SOX5: variants seen among roughly 807,000 people sequenced by gnomAD.
SOX5 encodes transcription factor SOX-5.
SOX5 carries 9 observed loss-of-function variants against 92.0 expected under a neutral mutation model. The ratio of observed to expected loss-of-function variants is 0.10; its 90% CI spans 0.06 to 0.17. The LOEUF is 0.17. SOX5 is among the 10% of genes least tolerant of loss of function. SOX5 has a pLI of 1.00. For missense variants in SOX5, 642 were observed against 944.5 expected (o/e 0.68, Z 4.20); for synonymous variants, 344 against 336.3 (o/e 1.02, Z -0.25).
intron 2 of SOX5, among the ~76,000 whole-genome samples, chr12:24,311,269 T>G (rs553710671): frequency 6.6e-6 from 1 of 152,204 alleles, no homozygotes; most frequent in South Asian, 2.1e-4. Context: ...TCCATGATTA[T>G]CCATGTAATT....
At chr12:23,664,175 A>C (rs1039761059) in intron 7 of SOX5, among the ~76,000 whole-genome samples, 3 of 152,140 alleles carry the variant, frequency 2.0e-5, no homozygotes, top group African/African-American at 7.2e-5. Context: ...AAGACGAGAA[A>C]TAAATGTTGA....
At chr12:23,769,832 T>TACTC (rs2094865258) in intron 3 of SOX5, among the ~76,000 whole-genome samples, 2 of 152,146 alleles carry the variant, frequency 1.3e-5, no homozygotes, top group African/African-American at 4.8e-5. Context: ...TATGCCATGA[T>TACTC]ACTCACTACC....
At chr12:23,951,339 C>T (rs1434395168), upstream of SOX5, among the ~76,000 whole-genome samples, 1 of 151,436 alleles carries the variant, frequency 6.6e-6, no homozygotes, top group African/African-American at 2.4e-5. Context: ...ACCCCCTCCA[C>T]TCCTTCCAAC....
intron 2 of SOX5, among the ~76,000 whole-genome samples, chr12:24,366,458 G>A (rs867364043): frequency 6.6e-6 from 1 of 152,246 alleles, no homozygotes; most frequent in Middle Eastern, 3.4e-3. Flanking sequence ...TGTTACAGTT[G>A]AAGCAATGCC....
intron 9 of SOX5, among the ~76,000 whole-genome samples, chr12:23,596,365 T>C (rs1952447213): frequency 6.6e-6 from 1 of 152,212 alleles, no homozygotes; most frequent in African/African-American, 2.4e-5. Flanking sequence ...AAATAAGACA[T>C]CAGTAATTGT....
chr12:23,693,387 G>A (rs538852105), intron 6 of SOX5, among the ~76,000 whole-genome samples: 214 of 152,146 alleles, frequency 1.4e-3, no homozygotes, highest in African/African-American at 4.9e-3. Context: ...GCCTCCCAAA[G>A]TGCTGGGATT....
At chr12:24,266,094 G>C in intron 3 of SOX5, among the ~76,000 whole-genome samples, 1 of 148,352 alleles carries the variant, frequency 6.7e-6, no homozygotes, top group South Asian at 2.1e-4. Context: ...GTTTTATTTT[G>C]GTGGAGATGG....
chr12:23,567,817 A>G (rs1193371846), intron 10 of SOX5, among the ~76,000 whole-genome samples: 1 of 152,048 alleles, frequency 6.6e-6, no homozygotes, highest in Non-Finnish European at 1.5e-5. Context: ...TATTCTCAAA[A>G]TTTCTGTTTT....
chr12:24,405,824 A>C (rs1334664540), intron 1 of SOX5, among the ~76,000 whole-genome samples: 1 of 152,186 alleles, frequency 6.6e-6, no homozygotes, highest in Non-Finnish European at 1.5e-5. Flanking sequence ...ATGGCTCTAA[A>C]AGTTATAAAG....
chr12:23,955,712 C>A (rs80251124), upstream of SOX5, among the ~76,000 whole-genome samples: 1 of 151,882 alleles, frequency 6.6e-6, no homozygotes, highest in Non-Finnish European at 1.5e-5. Context: ...AACTCAATCA[C>A]CCTCGTGGTA....
intron 8 of SOX5, among the ~76,000 whole-genome samples, chr12:23,615,963 A>T (rs1000240661): frequency 6.6e-6 from 1 of 152,200 alleles, no homozygotes; most frequent in South Asian, 2.1e-4. Context: ...TAATGGTGGA[A>T]AAAGGTAATA....
At chr12:24,522,581 C>G (rs561190868) in intron 1 of SOX5, among the ~76,000 whole-genome samples, 38 of 152,164 alleles carry the variant, frequency 2.5e-4, no homozygotes, top group African/African-American at 8.2e-4. Context: ...ATTCTATGAC[C>G]AAGTGGCATT....
intron 2 of SOX5, among the ~76,000 whole-genome samples, chr12:24,283,180 C>G (rs552962615): frequency 6.6e-6 from 1 of 152,296 alleles, no homozygotes; most frequent in African/African-American, 2.4e-5. Context: ...AAAGGATTAA[C>G]AAGATTTACC....
intron 1 of SOX5, among the ~76,000 whole-genome samples, chr12:23,910,330 T>C (rs1293427850): frequency 1.3e-5 from 2 of 152,198 alleles, no homozygotes; most frequent in Non-Finnish European, 2.9e-5. Flanking sequence ...AACTGTAAGA[T>C]ATGATTCTGA....
intron 1 of SOX5, among the ~76,000 whole-genome samples, chr12:24,473,958 T>C (rs754095263): frequency 1.2e-4 from 18 of 152,216 alleles, no homozygotes; most frequent in Non-Finnish European, 4.4e-5. Context: ...ATTTAATACA[T>C]GATAAAGATT....
intron 4 of SOX5, among the ~76,000 whole-genome samples, chr12:24,020,701 G>A (rs1470283215): frequency 6.6e-6 from 1 of 152,158 alleles, no homozygotes; most frequent in East Asian, 1.9e-4. Context: ...TCCCAGGCCA[G>A]ACAAAGGTCA....
At chr12:24,113,355 C>T (rs181815338) in intron 4 of SOX5, among the ~76,000 whole-genome samples, 1 of 150,608 alleles carries the variant, frequency 6.6e-6, no homozygotes, top group Non-Finnish European at 1.5e-5. Context: ...GGTGAACAAC[C>T]CTTGGTAAAG....
intron 6 of SOX5, among the ~76,000 whole-genome samples, chr12:23,732,118 C>T (rs760278814): frequency 2.4e-4 from 36 of 152,016 alleles, no homozygotes; most frequent in Non-Finnish European, 5.2e-4. Flanking sequence ...ATTCCAATTG[C>T]CTTTCATGAT....
Position 24,117,089 on chromosome 12 carries a change from T to C in SOX5, c.-2+96254A>G, listed in dbSNP as rs546617401. 1.3e-4 allele frequency among the ~76,000 whole-genome samples: 20 copies of C among 151,342 alleles called. 1 individual carries two copies. Among genetic ancestry groups the C allele is most frequent in the Admixed American group, 1.3e-3 (20 of 15,200 alleles). Reference sequence around the variant, plus strand: ...AGATAAGAGACTAATATCCAAAATATAGAGGGAATTCAAATAACTCAACAA... The same window carrying C: ...AGATAAGAGACTAATATCCAAAATACAGAGGGAATTCAAATAACTCAACAA... On this transcript the variant is annotated intron_variant, in intron 4 of 4. Coordinates refer to the SOX5 transcript ENST00000446891.
Sources: allele counts gnomAD v4.1 joint callset (sites outside exome capture counted in the v4.1 genomes callset), GRCh38; gene constraint gnomAD v4.1.1; transcripts MANE v1.5; gene names NCBI Gene and HGNC (gene_info 2026-07-23, HGNC 2026-07-21).